The following EPS8L1 variants were observed in gnomAD, a reference collection of about 807,000 sequenced individuals.
The protein encoded by EPS8L1 is epidermal growth factor receptor kinase substrate 8-like protein 1.
EPS8L1 carries 101 observed loss-of-function variants against 91.7 expected under a neutral mutation model. That is an observed-to-expected ratio of 1.10 (90% CI 0.94 to 1.30). The LOEUF (loss-of-function observed/expected upper bound fraction) is 1.30. EPS8L1 is among the 50% of genes most tolerant of loss of function. The pLI is 0.00. For missense variants in EPS8L1, 1,114 were observed against 1,017.0 expected, an observed-to-expected ratio of 1.10 and a Z score of -1.30; for synonymous variants, 506 against 445.3, an observed-to-expected ratio of 1.14 and a Z score of -1.72.
At chr19:55,077,877 G>A (rs935947308) in intron 2 of EPS8L1, among the ~76,000 whole-genome samples, 9 of 150,236 alleles carry the variant, frequency 6.0e-5, no homozygotes, top group African/African-American at 9.7e-5. Context: ...GTGAGCCACC[G>A]CGCCCAGCCT....
At chr19:55,086,940 G>T in intron 18 of EPS8L1, 52 bp downstream of exon 18, 2 of 1,401,932 alleles carry the variant, frequency 1.4e-6, no homozygotes, top group South Asian at 1.6e-5. Context: ...CGCTGGGAGC[G>T]GAGCGTTCCG....
In EPS8L1 at chr19:55,086,160, C is replaced by G. The variant is rs908592052; in HGVS notation, c.1618C>G (p.Leu540Val). The change falls in exon 16 of 20, where the codon CTG (leucine) becomes GTG (valine). Residue 540 changes from leucine to valine, a missense_variant. Physicochemically the swap from Leu to Val is conservative, Grantham distance 32 (BLOSUM62 1). Coordinates refer to ENST00000201647, the MANE Select transcript of EPS8L1 (RefSeq NM_133180.3). ...NILTPYPGPR[L>V]HHSQSPARSL... ...CCTGACACCCTACCCCGGACCCCGG[C>G]TGCACCACAGCCAAAGCCCTGCCCG... The G allele has an allele frequency of 6.2e-7, 1 of 1,604,448 alleles. No individual in the cohort carries two copies. The highest frequency in any genetic ancestry group is 8.5e-7 in the Non-Finnish European group (1 of 1,174,776).
intron 4 of EPS8L1, 45 bp downstream of exon 4, chr19:55,079,102 A>G (rs369143902): frequency 1.2e-4 from 197 of 1,597,322 alleles, no homozygotes; most frequent in Non-Finnish European, 4.5e-5. Context: ...TCTGGGGCAA[A>G]GGTGGCCTCA....
chr19:55,083,293 G>A lies in EPS8L1; in HGVS notation c.1215-85G>A. The A allele has an allele frequency of 6.5e-7, 1 of 1,535,606 alleles. No individual in the cohort carries two copies. Among genetic ancestry groups the A allele is most frequent in the Non-Finnish European group, 8.8e-7 (1 of 1,134,602 alleles). ...ATCGTTGGAATACAGCGAGCTTTAGGGGAAAACTTAGTGAAGTTAATGCAG... is the reference window on the plus strand; with the variant it reads ...ATCGTTGGAATACAGCGAGCTTTAGAGGAAAACTTAGTGAAGTTAATGCAG... On this transcript the variant is annotated intron_variant, in intron 12 of 19. Transcript: ENST00000201647. The surrounding 1 kb of genome is among the most constrained non-coding windows in gnomAD (Gnocchi z 4.7).
At chr19:55,087,506 C>G in intron 19 of EPS8L1, 22 bp from the exon 20 acceptor site, 1 of 1,614,118 alleles carries the variant, frequency 6.2e-7, no homozygotes, top group Non-Finnish European at 8.5e-7. Flanking sequence ...CAGGACAAAG[C>G]GATTTCCACC....
intron 2 of EPS8L1, among the ~76,000 whole-genome samples, chr19:55,077,110 TTC>T (rs2076147385): frequency 1.3e-5 from 2 of 152,136 alleles, no homozygotes; most frequent in Non-Finnish European, 1.5e-5. Context: ...ATCGCTGAGC[TTC>T]TGTTATGTGC....
At position 55,081,447 on chromosome 19, in the gene EPS8L1, TC is replaced by T; in HGVS notation, c.733del (p.Arg245GlyfsTer17). On this transcript the variant is annotated frameshift_variant, in exon 8 of 20. Coordinates refer to ENST00000201647, the MANE Select transcript of EPS8L1 (RefSeq NM_133180.3). LOFTEE classifies it high-confidence loss of function. This position sits in a 1 kb window ranked among gnomAD's most constrained non-coding sequence, Gnocchi z 4.9. ...CTGACTCGGCCTCCCCGGACCTGGG[TC>T]CCCGGGGTCCTGACCTGGCGGTTCT... ...NADSASPDLGPRGPDLAVLQA... is the reference protein window; with the variant it reads ...NADSASPDLGXRGPDLAVLQA... 6.2e-7 allele frequency: 1 copy of T among 1,602,600 alleles called. No individual in the cohort carries two copies. Among genetic ancestry groups the T allele is most frequent in the Non-Finnish European group, 8.5e-7 (1 of 1,175,708 alleles).
rs780158902 is a variant in EPS8L1, at chr19:55,087,564, G to T, written c.2122G>T (p.Glu708Ter). The change falls in exon 20 of 20, where the codon GAG becomes TAG. Residue 708 changes from glutamate (E) to a stop codon, truncating the protein, a stop_gained. Transcript: ENST00000201647. LOFTEE classifies it high-confidence loss of function. ...AGTGTCAGAGCTGGAGGCAGTGATG[G>T]AGAAGCAAAAGAAGAAGGTGGAAGG... ...EKVSELEAVM[E>*]KQKKKVEGEV... 4.3e-6 allele frequency: 7 copies of T among 1,614,076 alleles called. No individual in the cohort carries two copies. The highest frequency in any genetic ancestry group is 5.9e-6 in the Non-Finnish European group (7 of 1,180,030).
intron 1 of EPS8L1, 162 bp from the exon 2 acceptor site, chr19:55,076,246 G>T (rs2147119019): frequency 3.3e-6 from 2 of 599,210 alleles, no homozygotes; most frequent in East Asian, 3.0e-5. Flanking sequence ...AGAGGGACTG[G>T]GGCCTGGACT....
chr19:55,076,348 G>A (rs1042448647), intron 1 of EPS8L1, 60 bp from the exon 2 acceptor site: 22 of 1,485,140 alleles, frequency 1.5e-5, no homozygotes, highest in Admixed American at 1.3e-4. Flanking sequence ...GAGGGAGGAG[G>A]CTGGGGTAGG....
At chr19:55,082,651 A>G in intron 12 of EPS8L1, 49 bp downstream of exon 12, 1 of 1,508,734 alleles carries the variant, frequency 6.6e-7, no homozygotes, top group Non-Finnish European at 8.9e-7. Flanking sequence ...GGAGGAGCAT[A>G]AGGCGCTGGG....
In EPS8L1 at chr19:55,082,177, G is replaced by A. The variant is rs748422580; in HGVS notation, c.987G>A (p.Leu329=). The A allele has an allele frequency of 1.9e-5, 30 of 1,596,492 alleles. No homozygotes were observed. Among genetic ancestry groups the A allele is most frequent in the Non-Finnish European group, 2.5e-5 (29 of 1,171,846 alleles). The change falls in exon 10 of 20, where the codon CTG becomes CTA. Residue 329 remains leucine (L), a synonymous_variant. Coordinates refer to ENST00000201647, the MANE Select transcript of EPS8L1 (RefSeq NM_133180.3). The part of the protein sequence containing the change: ...VLQKIKYAFS[L]LARLRGNIAD... Reference sequence around the variant, plus strand: ...AGAAGATCAAGTACGCCTTCAGCCTGCTGGTGAGGACGCGCCCGCCCCTGG... The same window carrying A: ...AGAAGATCAAGTACGCCTTCAGCCTACTGGTGAGGACGCGCCCGCCCCTGG...
At position 55,081,890 on chromosome 19, in the gene EPS8L1, G is replaced by A. The variant is rs1317975602; in HGVS notation, c.892G>A (p.Ala298Thr). 1.2e-6 allele frequency: 2 copies of A among 1,608,152 alleles called. No individual in the cohort carries two copies. The highest frequency in any genetic ancestry group is 1.1e-5 in the South Asian group (1 of 90,806). ...ACGCGGCCGCAGGAGCCGGCGCCGG[G>A]CGGCTGGGGGTAAGGGGCACCCTGG... ...RERGRRSRRR[A>T]AGEGLLTLRA... The change falls in exon 9 of 20, where the codon GCG becomes ACG. Residue 298 changes from alanine (A) to threonine (T), a missense_variant. Transcript: ENST00000201647. The surrounding 1 kb of genome is among the most constrained non-coding windows in gnomAD (Gnocchi z 4.9).
chr19:55,079,896 T>C (rs764451379), intron 5 of EPS8L1, 45 bp downstream of exon 5: 18 of 1,559,984 alleles, frequency 1.2e-5, no homozygotes, highest in Non-Finnish European at 1.5e-5. Context: ...GGGCAGGGAC[T>C]TCAGGGGGTC....
Position 55,082,459 on chromosome 19 carries a change from G to T in EPS8L1, c.1071G>T (p.Val357=), listed in dbSNP as rs750751944. 1 of 1,612,332 alleles carries T rather than the reference G, an allele frequency of 6.2e-7. No homozygotes were observed. The highest frequency in any genetic ancestry group is 8.5e-7 in the Non-Finnish European group (1 of 1,179,440). The change falls in exon 12 of 20, where the codon GTG becomes GTT. Residue 357 remains valine, a synonymous_variant. Coordinates refer to ENST00000201647, the MANE Select transcript of EPS8L1 (RefSeq NM_133180.3). ...HFLFGPLQMI[V]NTSGGPEFAS... Reference sequence around the variant, plus strand: ...CCCTCCTGCTCCCCTGACAGATTGTGAACACGTCGGGGGGGCCGGAGTTCG... The same window carrying T: ...CCCTCCTGCTCCCCTGACAGATTGTTAACACGTCGGGGGGGCCGGAGTTCG...
chr19:55,078,129 G>C lies in EPS8L1; in HGVS notation c.58+1G>C, dbSNP rs1260562572. The C allele has an allele frequency of 1.2e-6, 2 of 1,613,368 alleles. No homozygotes were observed. Among genetic ancestry groups the C allele is most frequent in the South Asian group, 2.2e-5 (2 of 91,040 alleles). ...AAGCCAAGCGCCAAGTCTATCTATG[G>C]TGAGCGGGGGGCAAGGGAGCCCCAG... On this transcript the variant is annotated splice_donor_variant, in intron 3 of 19. Transcript: ENST00000201647. LOFTEE classifies it high-confidence loss of function.
rs767227239 is a variant in EPS8L1 at position 55,081,880 on chromosome 19, C to G, written c.882C>G (p.Ser294Arg). 93 of 1,608,056 alleles carry G rather than the reference C, an allele frequency of 5.8e-5. No individual in the cohort carries two copies. The highest frequency in any genetic ancestry group is 1.8e-5 in the Non-Finnish European group (21 of 1,176,592). The change falls in exon 9 of 20, where the codon AGC becomes AGG. Residue 294 changes from serine to arginine, a missense_variant. Physicochemically the swap from Ser to Arg is moderately radical, Grantham distance 110. Transcript: ENST00000201647. This position sits in a 1 kb window ranked among gnomAD's most constrained non-coding sequence, Gnocchi z 4.9. The part of the protein sequence containing the change: ...VLEHRERGRR[S>R]RRRAAGEGLL... ...AGCACCGGGAACGCGGCCGCAGGAG[C>G]CGGCGCCGGGCGGCTGGGGGTAAGG...
intron 14 of EPS8L1, among the ~76,000 whole-genome samples, chr19:55,085,460 C>T (rs565288528): frequency 1.3e-4 from 20 of 152,296 alleles, no homozygotes; most frequent in East Asian, 1.9e-4. Flanking sequence ...CCACCGCGCC[C>T]GGCCTAGCTA....
Position 55,080,802 on chromosome 19 carries a change from G to C in EPS8L1, c.460G>C (p.Ala154Pro), listed in dbSNP as rs374717243. 4 of 1,612,104 alleles carry C rather than the reference G, an allele frequency of 2.5e-6. No individual in the cohort carries two copies. The highest frequency in any genetic ancestry group is 3.3e-5 in the Admixed American group (2 of 59,704). ...GCTGATCCGAGAGGACATCCAGGGGGCTCTGCACAATTACCGCTCGGGCCG... is the reference window on the plus strand; with the variant it reads ...GCTGATCCGAGAGGACATCCAGGGGCCTCTGCACAATTACCGCTCGGGCCG... ...AELIREDIQG[A>P]LHNYRSGRGE... is the part of the protein sequence containing the mutation. The change falls in exon 7 of 20, where the codon GCT becomes CCT. Residue 154 changes from alanine (A) to proline (P), a missense_variant. By Grantham distance (27) the Ala-to-Pro change is conservative. Coordinates refer to ENST00000201647, the MANE Select transcript of EPS8L1 (RefSeq NM_133180.3).
Sources: allele counts gnomAD v4.1 joint callset (sites outside exome capture counted in the v4.1 genomes callset), GRCh38; gene constraint gnomAD v4.1.1; non-coding constraint Gnocchi (gnomAD v3.1); transcripts MANE v1.5; gene names NCBI Gene and HGNC (gene_info 2026-07-23, HGNC 2026-07-21).